Variants in GTF2F2 observed in about 807,000 individuals in gnomAD.
GTF2F2 encodes the protein general transcription factor IIF subunit 2, also known as ATP-dependent helicase GTF2F2.
GTF2F2 carries 23 observed loss-of-function variants against 42.2 expected under a neutral mutation model. The ratio of observed to expected loss-of-function variants is 0.55; its 90% CI spans 0.39 to 0.77. The LOEUF (loss-of-function observed/expected upper bound fraction) is 0.77. GTF2F2 is among the 30% of genes least tolerant of loss of function. The pLI, the probability that GTF2F2 is intolerant of heterozygous loss-of-function variation, is 0.00. For missense variants in GTF2F2, 261 were observed against 287.2 expected, an observed-to-expected ratio of 0.91 and a Z score of 0.66; for synonymous variants, 105 against 100.8, an observed-to-expected ratio of 1.04 and a Z score of -0.25.
chr13:45,205,973 A>G (rs80282303), intron 4 of GTF2F2, among the ~76,000 whole-genome samples: 1 of 152,328 alleles, frequency 6.6e-6, no homozygotes, highest in African/African-American at 2.4e-5. Flanking sequence ...CAAGAGCCAA[A>G]CTTGAATATA....
rs1410620401 is a variant in GTF2F2 at position 45,246,787 on chromosome 13, C to T, written c.387-6084C>T. ...GCACGGTGGCTCACGCCTGTAATCC[C>T]AGCACTTTGGGAGGCCAATGCGGGC... On this transcript the variant is annotated intron_variant, in intron 5 of 7. Transcript: ENST00000340473. 2.6e-5 allele frequency among the ~76,000 whole-genome samples: 4 copies of T among 152,154 alleles called. No homozygotes were observed. The South Asian group carries it at 6.2e-4, about 24-fold the overall frequency.
At chr13:45,194,096 AG>A in intron 4 of GTF2F2, 1 of 1,614,150 alleles carries the variant, frequency 6.2e-7, no homozygotes, top group African/African-American at 1.3e-5. Flanking sequence ...GCATTACAGA[AG>A]ATTCTTAATC....
At chr13:45,176,026 T>A (rs1871863098) in intron 4 of GTF2F2, among the ~76,000 whole-genome samples, 1 of 152,226 alleles carries the variant, frequency 6.6e-6, no homozygotes, top group South Asian at 2.1e-4. Context: ...CTAAGACTGA[T>A]CCACGTTGTA....
intron 6 of GTF2F2, among the ~76,000 whole-genome samples, chr13:45,266,539 C>T (rs1056996455): frequency 1.3e-5 from 2 of 152,316 alleles, no homozygotes; most frequent in Non-Finnish European, 2.9e-5. Flanking sequence ...ACCTATGAAA[C>T]TGCATCTGTT....
intron 5 of GTF2F2, among the ~76,000 whole-genome samples, chr13:45,222,700 A>G (rs1426675159): frequency 6.6e-6 from 1 of 152,244 alleles, no homozygotes; most frequent in Non-Finnish European, 1.5e-5. Context: ...CATCTATTAT[A>G]TAACAGACAC....
intron 4 of GTF2F2, among the ~76,000 whole-genome samples, chr13:45,162,392 A>G (rs979856177): frequency 3.3e-5 from 5 of 152,198 alleles, no homozygotes; most frequent in African/African-American, 1.2e-4. Flanking sequence ...GCCACTGAAC[A>G]TTTGGAATCA....
At chr13:45,184,511 C>T (rs1391153369) in intron 4 of GTF2F2, among the ~76,000 whole-genome samples, 1 of 151,862 alleles carries the variant, frequency 6.6e-6, no homozygotes, top group Non-Finnish European at 1.5e-5. Context: ...ACTTCGACCT[C>T]CCCAAGTGCT....
chr13:45,200,014 A>T (rs996248878), intron 4 of GTF2F2, among the ~76,000 whole-genome samples: 3 of 151,846 alleles, frequency 2.0e-5, no homozygotes, highest in Admixed American at 1.3e-4. Flanking sequence ...CATATCACAC[A>T]TTTTTTTCAT....
chr13:45,217,273 A>T (rs1360304154), intron 5 of GTF2F2, among the ~76,000 whole-genome samples: 4 of 143,466 alleles, frequency 2.8e-5, no homozygotes, highest in Non-Finnish European at 6.0e-5. Context: ...GCTCCAGCCT[A>T]GGTGACAGAG....
intron 4 of GTF2F2, among the ~76,000 whole-genome samples, chr13:45,170,181 A>G (rs752286258): frequency 1.7e-4 from 26 of 152,068 alleles, no homozygotes; most frequent in African/African-American, 6.0e-4. Context: ...ATACCACCAC[A>G]CCCAGCTAAT....
intron 4 of GTF2F2, among the ~76,000 whole-genome samples, chr13:45,175,192 A>C (rs1871815583): frequency 6.6e-6 from 1 of 152,178 alleles, no homozygotes; most frequent in Non-Finnish European, 1.5e-5. Context: ...AGAACATATG[A>C]TATTTGTCTT....
intron 5 of GTF2F2, among the ~76,000 whole-genome samples, chr13:45,231,586 C>G (rs1421106870): frequency 6.6e-6 from 1 of 152,122 alleles, no homozygotes; most frequent in Non-Finnish European, 1.5e-5. Context: ...ATGATACTCC[C>G]AATGGCTTTC....
At chr13:45,156,835 T>A (rs1236190925) in intron 4 of GTF2F2, among the ~76,000 whole-genome samples, 1 of 152,238 alleles carries the variant, frequency 6.6e-6, no homozygotes, top group African/African-American at 2.4e-5. Context: ...TTTTTCATTA[T>A]CTTTGACGCC....
At chr13:45,127,351 G>A (rs1193871684) in intron 1 of GTF2F2, among the ~76,000 whole-genome samples, 1 of 151,760 alleles carries the variant, frequency 6.6e-6, no homozygotes, top group African/African-American at 2.4e-5. Context: ...TTTGAGACAG[G>A]GTCTCACTCT....
intron 6 of GTF2F2, among the ~76,000 whole-genome samples, chr13:45,255,383 T>C (rs2138250887): frequency 6.6e-6 from 1 of 152,290 alleles, no homozygotes; most frequent in South Asian, 2.1e-4. Flanking sequence ...GGAGTGCACA[T>C]GACCCATATA....
intron 5 of GTF2F2, among the ~76,000 whole-genome samples, chr13:45,210,781 G>A (rs1429005185): frequency 1.3e-5 from 2 of 152,160 alleles, no homozygotes; most frequent in African/African-American, 4.8e-5. Flanking sequence ...AATTTGGACA[G>A]TGTGCTATAA....
chr13:45,250,451 C>G (rs547943333), intron 5 of GTF2F2, among the ~76,000 whole-genome samples: 1 of 152,260 alleles, frequency 6.6e-6, no homozygotes, highest in South Asian at 2.1e-4. Flanking sequence ...AGTTGTCCTA[C>G]CATCCCTCCA....
At chr13:45,263,438 C>T (rs1876429412) in intron 6 of GTF2F2, among the ~76,000 whole-genome samples, 1 of 152,032 alleles carries the variant, frequency 6.6e-6, no homozygotes, top group Non-Finnish European at 1.5e-5. Context: ...CCATGTTAGC[C>T]AGGATGGTCT....
intron 4 of GTF2F2, among the ~76,000 whole-genome samples, chr13:45,165,806 CTTTTTTTTTT>C (rs5803286): frequency 3.4e-5 from 3 of 88,902 alleles, no homozygotes; most frequent in Non-Finnish European, 6.1e-5. Flanking sequence ...TCAGTACATT[CTTTTTTTTTT>C]TTTTTTTTTT....
Sources: gnomAD v4.1 joint callset for allele counts (sites outside exome capture counted in the v4.1 genomes callset) on GRCh38, gnomAD v4.1.1 for gene constraint, MANE v1.5 for transcripts, NCBI Gene and HGNC (gene_info 2026-07-23, HGNC 2026-07-21) for gene names.